Variants in PLXNA3 observed in about 807,000 individuals in gnomAD.
PLXNA3 encodes plexin-A3.
A neutral mutation model predicts 118.8 loss-of-function variants in PLXNA3; 52 were observed. The observed-to-expected ratio is 0.44, with a 90% CI of 0.35 to 0.55. PLXNA3 has a LOEUF of 0.55. Ranked by LOEUF, PLXNA3 falls within the 20% of genes least tolerant of loss-of-function variation. PLXNA3 has a pLI of 0.01. For synonymous variants in PLXNA3, 925 were observed against 762.4 expected (o/e 1.21, Z -3.51); for missense variants, 1,660 against 1,730.8 (o/e 0.96, Z 0.73).
chrX:154,458,606 C>A (rs1346367888), intron 1 of PLXNA3, among the ~76,000 whole-genome samples, 178 bp downstream of exon 1: 1 of 112,691 alleles, frequency 8.9e-6, no homozygotes, highest in African/African-American at 3.2e-5. Flanking sequence ...AGACCAACAC[C>A]CTGCCCAAAG....
At position 154,474,701 on chromosome X, in the gene PLXNA3, TCTC is replaced by T. The variant is rs2069223870; in HGVS notation, c.*2019_*2021del. 1 of 102,286 alleles carries T rather than the reference TCTC, an allele frequency of 9.8e-6. No individual in the cohort carries two copies. The highest frequency in any genetic ancestry group is 2.0e-5 in the Non-Finnish European group (1 of 50,331). The allele number at this position is 102,286 out of a possible 1,213,427, so 8.4% of individuals were successfully genotyped here. A position where few individuals can be genotyped will look rare whatever the true frequency, so the allele number is the denominator to read the frequency against. ...ACTGTGTTAGCCAGGATGGTCTCGA[TCTC>T]CTGACCTCGTGATCCACCTGCCTCA... On this transcript the variant is annotated 3_prime_UTR_variant, in exon 33 of 33. Coordinates refer to ENST00000369682, the MANE Select transcript of PLXNA3 (RefSeq NM_017514.5).
chrX:154,469,663 C>T lies in PLXNA3; in HGVS notation c.4699-25C>T, dbSNP rs369580478. 182 of 1,173,989 alleles carry T rather than the reference C, an allele frequency of 1.6e-4. No homozygotes were observed. The African/African-American group carries it at 2.9e-3, about 19-fold the overall frequency. ...TTGGCTTCTCAGCTTCCTGCACTGC[C>T]CCCCTCTGTCTCTGGGGCCTCCAGG... is the stretch of plus-strand genomic sequence containing the variant. On this transcript the variant is annotated intron_variant, in intron 27 of 32. Transcript: ENST00000369682.
In PLXNA3 at chrX:154,476,858, C is replaced by G. The variant is rs73247652; in HGVS notation, c.*4173C>G. The G allele has an allele frequency of 0.039, 4,400 of 111,892 alleles. 123 individuals carry two copies. The highest frequency in any genetic ancestry group is 0.063 in the Non-Finnish European group (3,342 of 53,093). The allele number at this position is 111,892 out of a possible 1,213,427, so 9.2% of individuals were successfully genotyped here. On this transcript the variant is annotated 3_prime_UTR_variant, in exon 33 of 33. Transcript: ENST00000369682. ...GTTTCCTGGTGGAGCCTGGCAGACA[C>G]CCGGACTTTAGGAGTTGAAACTGAT...
rs1404456389 is a variant in PLXNA3, at chrX:154,473,372, CGCT to C, written c.*688_*690del. 3.5e-5 allele frequency: 4 copies of C among 113,149 alleles called. No homozygotes were observed. Among genetic ancestry groups the C allele is most frequent in the Non-Finnish European group, 5.6e-5 (3 of 53,361 alleles). The allele number at this position is 113,149 out of a possible 1,213,427, so 9.3% of individuals were successfully genotyped here. On this transcript the variant is annotated 3_prime_UTR_variant, in exon 33 of 33. Transcript: ENST00000369682. ...TGACTTGGGCCTGGGGGCCCTAGAACGCTCCTCCTCCTGAGCCTACTGCCAAAC... is the reference window on the plus strand; with the variant it reads ...TGACTTGGGCCTGGGGGCCCTAGAACCCTCCTCCTGAGCCTACTGCCAAAC...
Position 154,476,647 on chromosome X carries a change from A to AAC in PLXNA3, c.*3963_*3964dup, listed in dbSNP as rs1557210944. ...GAGCTCCCCAGATTCTACAAAGGGAAACTGTTCCTCCATATGGAGTAATAG... is the reference window on the plus strand; with the variant it reads ...GAGCTCCCCAGATTCTACAAAGGGAAACACTGTTCCTCCATATGGAGTAATAG... On this transcript the variant is annotated 3_prime_UTR_variant, in exon 33 of 33. Transcript: ENST00000369682. 8.9e-6 allele frequency: 1 copy of AAC among 111,813 alleles called. No individual in the cohort carries two copies. The highest frequency in any genetic ancestry group is 3.3e-5 in the African/African-American group (1 of 30,738). 9.2% of individuals were successfully genotyped at this position (111,813 alleles called of 1,213,427 possible).
chrX:154,461,467 C>G lies in PLXNA3; in HGVS notation c.963C>G (p.Phe321Leu), dbSNP rs143354413. The change falls in exon 3 of 33, where the codon TTC (phenylalanine) becomes TTG (leucine). Residue 321 changes from phenylalanine (F) to leucine (L), a missense_variant. By Grantham distance (22) the Phe-to-Leu change is conservative. Coordinates refer to ENST00000369682, the MANE Select transcript of PLXNA3 (RefSeq NM_017514.5). The part of the protein sequence containing the change: ...PADEDVLFTI[F>L]SQGQKNRASP... ...ATGAGGACGTCCTCTTCACCATCTTCTCTCAGGGCCAGAAGAACCGGGCCA... is the reference window on the plus strand; with the variant it reads ...ATGAGGACGTCCTCTTCACCATCTTGTCTCAGGGCCAGAAGAACCGGGCCA... The G allele has an allele frequency of 2.5e-6, 3 of 1,210,955 alleles. No individual in the cohort carries two copies. Among genetic ancestry groups the G allele is most frequent in the East Asian group, 3.0e-5 (1 of 33,800 alleles).
rs782140917 is a variant in PLXNA3 at position 154,462,283 on chromosome X, T to G, written c.1290T>G (p.Ile430Met). ...YTYRQHSVVF[I>M]GTRSGSLKKV... Reference sequence around the variant, plus strand: ...ACCGCCAGCACTCTGTGGTCTTCATTGGCACGCGCAGCGGCAGCTTGAAGA... The same window carrying G: ...ACCGCCAGCACTCTGTGGTCTTCATGGGCACGCGCAGCGGCAGCTTGAAGA... Residue 430 changes from isoleucine to methionine, a missense_variant, in exon 4 of 33, where the codon ATT becomes ATG. By Grantham distance (10) the Ile-to-Met change is conservative. Transcript: ENST00000369682. 1 of 1,165,203 alleles carries G rather than the reference T, an allele frequency of 8.6e-7. No individual in the cohort carries two copies. Among genetic ancestry groups the G allele is most frequent in the Non-Finnish European group, 1.1e-6 (1 of 871,539 alleles).
chrX:154,460,309 T>G lies in PLXNA3; in HGVS notation c.126T>G (p.Thr42=), dbSNP rs781830544. 1.7e-6 allele frequency: 2 copies of G among 1,210,226 alleles called. No individual in the cohort carries two copies. The highest frequency in any genetic ancestry group is 4.7e-4 in the Middle Eastern group (2 of 4,288). Residue 42 remains threonine, a synonymous_variant, in exon 2 of 33, where the codon ACT becomes ACG. Transcript: ENST00000369682. Reference sequence around the variant, plus strand: ...CCCACCTGGCTGTGCACCGGGTGACTGGGGAGGTGTTCGTGGGCGCAGTGA... The same window carrying G: ...CCCACCTGGCTGTGCACCGGGTGACGGGGGAGGTGTTCGTGGGCGCAGTGA... ...TLTHLAVHRV[T]GEVFVGAVNR... is the part of the protein sequence containing the mutation.
rs782555369 is a variant in PLXNA3 at position 154,472,570 on chromosome X, AG to A, written c.5521-16del. 4 of 1,127,852 alleles carry A rather than the reference AG, an allele frequency of 3.5e-6. No homozygotes were observed. Among genetic ancestry groups the A allele is most frequent in the Non-Finnish European group, 4.9e-6 (4 of 819,345 alleles). The allele number at this position is 1,127,852 out of a possible 1,213,427, so 92.9% of individuals were successfully genotyped here. A position where few individuals can be genotyped will look rare whatever the true frequency, so the allele number is the denominator to read the frequency against. On this transcript the variant is annotated intron_variant, in intron 32 of 32. Coordinates refer to ENST00000369682, the MANE Select transcript of PLXNA3 (RefSeq NM_017514.5). ...TGCGCCCCCTACAGAGCCCAGCTCC[AG>A]GGGACTCCTCTCCCCCAGATTCTCA...
rs375993377 is a variant in PLXNA3, at chrX:154,463,604, G to A, written c.1461G>A (p.Pro487=). 2.0e-4 allele frequency: 241 copies of A among 1,198,532 alleles called. No individual in the cohort carries two copies. Among genetic ancestry groups the A allele is most frequent in the Middle Eastern group, 1.9e-3 (6 of 3,104 alleles). Residue 487 remains proline, a synonymous_variant, in exon 6 of 33, where the codon CCG becomes CCA. Transcript: ENST00000369682. ...GCTGTCCCCAGGTGAGCCAGCTCCC[G>A]GTGGAGACCTGTGAGCAGTACCAGA... ...LLSEKQVSQL[P]VETCEQYQSC... is the part of the protein sequence containing the mutation.
Position 154,463,932 on chromosome X carries a change from C to G in PLXNA3, c.1548-19C>G. On this transcript the variant is annotated intron_variant, in intron 6 of 32. Transcript: ENST00000369682. ...TCCCGGGGCAGTGGCGGGACCGGCTCTGGCCCGACCCCGTGCAGGTGCTGC... is the reference window on the plus strand; with the variant it reads ...TCCCGGGGCAGTGGCGGGACCGGCTGTGGCCCGACCCCGTGCAGGTGCTGC... The G allele has an allele frequency of 1.7e-6, 2 of 1,158,966 alleles. No individual in the cohort carries two copies. The highest frequency in any genetic ancestry group is 5.2e-5 in the Admixed American group (2 of 38,682).
Position 154,461,526 on chromosome X carries a change from C to G in PLXNA3, c.1022C>G (p.Thr341Ser). Residue 341 changes from threonine to serine, a missense_variant, in exon 3 of 33, where the codon ACC (threonine) becomes AGC (serine). Physicochemically the swap from Thr to Ser is moderately conservative, Grantham distance 58. This residue lies in a region of PLXNA3 where 791 missense variants were observed against 652.1 expected (regional missense o/e 1.21). Transcript: ENST00000369682. The part of the protein sequence containing the change: ...PPRQTILCLF[T>S]LSNINAHIRR... ...CGGCAGACCATCCTCTGCCTCTTCA[C>G]CCTCAGCAACATCAATGCCCACATC... The G allele has an allele frequency of 8.3e-7, 1 of 1,211,440 alleles. No individual in the cohort carries two copies. Among genetic ancestry groups the G allele is most frequent in the Non-Finnish European group, 1.1e-6 (1 of 895,280 alleles).
rs1239813022 is a variant in PLXNA3 at position 154,474,451 on chromosome X, T to G, written c.*1766T>G. The G allele has an allele frequency of 4.7e-5, 5 of 105,858 alleles. No homozygotes were observed. The highest frequency in any genetic ancestry group is 7.8e-5 in the Non-Finnish European group (4 of 51,603). 8.7% of individuals were successfully genotyped at this position (105,858 alleles called of 1,213,427 possible). A position where few individuals can be genotyped will look rare whatever the true frequency, so the allele number is the denominator to read the frequency against. On this transcript the variant is annotated 3_prime_UTR_variant, in exon 33 of 33. Coordinates refer to ENST00000369682, the MANE Select transcript of PLXNA3 (RefSeq NM_017514.5). Reference sequence around the variant, plus strand: ...GCATGAGCCACTGTGCCCGGCCAGGTGAGATGGAATCTTATTTTTACTTTT... The same window carrying G: ...GCATGAGCCACTGTGCCCGGCCAGGGGAGATGGAATCTTATTTTTACTTTT...
At chrX:154,468,250 C>A (rs376649079) in intron 22 of PLXNA3, 26 bp downstream of exon 22, 28 of 1,178,667 alleles carry the variant, frequency 2.4e-5, no homozygotes, top group South Asian at 5.7e-5. Context: ...GCCTGCCCCC[C>A]ACCATTCCCT....
In PLXNA3 at chrX:154,466,767, C is replaced by T. The variant is rs1557207310; in HGVS notation, c.3081C>T (p.Arg1027=). The part of the protein sequence containing the change: ...YTYTQDPTVT[R]LEPTWSIING... ...ACACTCAGGACCCCACCGTCACCCG[C>T]CTTGAGCCCACCTGGAGCATCATCA... Residue 1027 remains arginine, a synonymous_variant, in exon 17 of 33, where the codon CGC becomes CGT. Coordinates refer to ENST00000369682, the MANE Select transcript of PLXNA3 (RefSeq NM_017514.5). 1.7e-6 allele frequency: 2 copies of T among 1,190,462 alleles called. No individual in the cohort carries two copies. The highest frequency in any genetic ancestry group is 3.0e-5 in the East Asian group (1 of 33,110).
chrX:154,469,295 C>G, intron 26 of PLXNA3, 80 bp downstream of exon 26: 1 of 1,154,159 alleles, frequency 8.7e-7, no homozygotes, highest in South Asian at 1.9e-5. Context: ...TCCCGCTCCC[C>G]ACCTGAACCC....
Position 154,464,436 on chromosome X carries a change from C to T in PLXNA3, c.1863C>T (p.Ser621=), listed in dbSNP as rs1557206209. ...GCACTGTGCGGCTGCAGCTTCTCTCCAAGGAGACAGGCGTGAGGTTTGCCG... is the reference window on the plus strand; with the variant it reads ...GCACTGTGCGGCTGCAGCTTCTCTCTAAGGAGACAGGCGTGAGGTTTGCCG... ...ATRTVRLQLL[S]KETGVRFAGA... Residue 621 remains serine, a synonymous_variant, in exon 9 of 33, where the codon TCC becomes TCT. Transcript: ENST00000369682. 6 of 1,211,340 alleles carry T rather than the reference C, an allele frequency of 5.0e-6. No homozygotes were observed. Among genetic ancestry groups the T allele is most frequent in the Middle Eastern group, 4.6e-4 (2 of 4,352 alleles).
rs2069080443 is a variant in PLXNA3 at position 154,466,139 on chromosome X, C to G, written c.2679-11C>G. 1 of 1,210,685 alleles carries G rather than the reference C, an allele frequency of 8.3e-7. No individual in the cohort carries two copies. Among genetic ancestry groups the G allele is most frequent in the East Asian group, 3.0e-5 (1 of 33,872 alleles). On this transcript the variant is annotated splice_polypyrimidine_tract_variant and intron_variant, in intron 14 of 32. Transcript: ENST00000369682. ...GTGGCCTGGCCGGCCCTGACGCTCT[C>G]TGAGCCCTAGGATCGTGTGTGAGAT...
At chrX:154,468,754 G>A (rs2069136029) in intron 24 of PLXNA3, 25 bp downstream of exon 24, 1 of 1,211,350 alleles carries the variant, frequency 8.3e-7, no homozygotes, top group African/African-American at 1.7e-5. Flanking sequence ...TGGGCGGCAG[G>A]GAGGTGGTGG....
Sources: allele counts gnomAD v4.1 joint callset (sites outside exome capture counted in the v4.1 genomes callset), GRCh38; gene constraint gnomAD v4.1.1; regional missense constraint gnomAD v4.1.1; transcripts MANE v1.5; gene names NCBI Gene and HGNC (gene_info 2026-07-23, HGNC 2026-07-21).